HPSE2: variants seen among roughly 807,000 people sequenced by gnomAD.
HPSE2 encodes the protein inactive heparanase-2.
HPSE2 carries 38 observed loss-of-function variants against 60.5 expected under a neutral mutation model. That is an observed-to-expected ratio of 0.63 (90% CI 0.48 to 0.82). HPSE2 has a LOEUF of 0.82. HPSE2 is among the 40% of genes least tolerant of loss of function. The pLI, the probability that HPSE2 is intolerant of heterozygous loss-of-function variation, is 0.00. For synonymous variants in HPSE2, 295 were observed against 293.2 expected (o/e 1.01, Z -0.06); for missense variants, 713 against 740.4 (o/e 0.96, Z 0.43).
At chr10:98,563,478 CA>C (rs2133880040) in intron 9 of HPSE2, among the ~76,000 whole-genome samples, 1 of 152,152 alleles carries the variant, frequency 6.6e-6, no homozygotes, top group South Asian at 2.1e-4. Flanking sequence ...TGAAAATGTA[CA>C]AAAAGTGATT....
the HPSE2 span, among the ~76,000 whole-genome samples, chr10:99,244,144 A>C: frequency 2.0e-5 from 3 of 150,660 alleles, no homozygotes; most frequent in Non-Finnish European, 4.4e-5. Context: ...CAGCCTCCAG[A>C]GTAGCTGGGA....
chr10:98,857,758 A>G lies in HPSE2; in HGVS notation c.611-113702T>C, dbSNP rs567238751. Among the ~76,000 whole-genome samples, 69 of 152,284 alleles carry G rather than the reference A, an allele frequency of 4.5e-4. No homozygotes were observed. The South Asian group carries it at 0.014, about 31-fold the overall frequency. On this transcript the variant is annotated intron_variant, in intron 3 of 11. Transcript: ENST00000370552. The stretch of plus-strand genomic sequence containing the variant: ...GAGGGACCCAAGGACTTGATTGAAG[A>G]CAGTTTAATTTGGCATATTTATCCA...
the HPSE2 span, among the ~76,000 whole-genome samples, chr10:99,307,164 C>T: frequency 4.6e-5 from 7 of 152,312 alleles, no homozygotes; most frequent in South Asian, 6.2e-4. Flanking sequence ...GCTCCATTTA[C>T]TGACTCCTGT....
At chr10:99,053,048 A>AC (rs397793562) in intron 3 of HPSE2, among the ~76,000 whole-genome samples, 3 of 151,724 alleles carry the variant, frequency 2.0e-5, no homozygotes, top group Admixed American at 6.6e-5. Context: ...TGAAAAAAAA[A>AC]CAAACTGCCT....
At chr10:99,073,723 GCAAT>G (rs1210689910) in intron 3 of HPSE2, among the ~76,000 whole-genome samples, 2 of 152,060 alleles carry the variant, frequency 1.3e-5, no homozygotes, top group South Asian at 2.1e-4. Context: ...TCAAATTTGT[GCAAT>G]CAATGTTTTG....
intron 3 of HPSE2, among the ~76,000 whole-genome samples, chr10:98,765,227 A>G (rs192714776): frequency 6.6e-6 from 1 of 152,218 alleles, no homozygotes; most frequent in Non-Finnish European, 1.5e-5. Context: ...AGCAGTGCTC[A>G]TAACACTCAC....
chr10:98,536,157 G>A (rs1480859000), intron 9 of HPSE2, among the ~76,000 whole-genome samples: 1 of 152,146 alleles, frequency 6.6e-6, no homozygotes, highest in African/African-American at 2.4e-5. Context: ...AGATGTATGG[G>A]CACTTTATAC....
At chr10:99,259,514 C>CA in the HPSE2 span, among the ~76,000 whole-genome samples, 5 of 152,050 alleles carry the variant, frequency 3.3e-5, no homozygotes, top group African/African-American at 4.8e-5. Context: ...ACATGAATCA[C>CA]AAAAAATTGC....
intron 9 of HPSE2, among the ~76,000 whole-genome samples, chr10:98,597,740 C>T (rs1044389673): frequency 6.6e-6 from 1 of 151,336 alleles, no homozygotes; most frequent in African/African-American, 2.4e-5. Context: ...TCATGGGAGG[C>T]TGAGGCAGGC....
chr10:98,783,046 T>A (rs1280070446), intron 3 of HPSE2, among the ~76,000 whole-genome samples: 1 of 103,830 alleles, frequency 9.6e-6, no homozygotes, highest in Non-Finnish European at 1.9e-5. Flanking sequence ...CCCACTAACG[T>A]GTCATCTAGC....
chr10:98,575,020 G>T (rs1944603518), intron 9 of HPSE2, among the ~76,000 whole-genome samples: 1 of 152,040 alleles, frequency 6.6e-6, no homozygotes, highest in Non-Finnish European at 1.5e-5. Context: ...ACCATTTCCT[G>T]GGAAAGCAGG....
rs545405404 is a variant in HPSE2 at position 99,015,004 on chromosome 10, G to A, written c.610+129234C>T. Among the ~76,000 whole-genome samples the A allele has an allele frequency of 9.9e-5, 15 of 152,268 alleles. No homozygotes were observed. The East Asian group carries it at 1.4e-3, about 14-fold the overall frequency. On this transcript the variant is annotated intron_variant, in intron 3 of 11. Transcript: ENST00000370552. ...AAAACAACCCCATCAAAAAGTGGGC[G>A]AAGGATATGAACAGATGCTTCTCAA... is the stretch of plus-strand genomic sequence containing the variant.
chr10:99,038,023 A>G (rs1397014120), intron 3 of HPSE2, among the ~76,000 whole-genome samples: 2 of 152,170 alleles, frequency 1.3e-5, no homozygotes, highest in African/African-American at 4.8e-5. Flanking sequence ...GTTGAAATAA[A>G]AAGTAGTAGC....
At chr10:99,150,902 A>G (rs936918607) in intron 2 of HPSE2, among the ~76,000 whole-genome samples, 8 of 152,216 alleles carry the variant, frequency 5.3e-5, no homozygotes, top group Non-Finnish European at 1.2e-4. Context: ...TCAGCTGAAC[A>G]TGAAAACATT....
At chr10:98,568,132 T>C (rs1453376086) in intron 9 of HPSE2, among the ~76,000 whole-genome samples, 1 of 152,198 alleles carries the variant, frequency 6.6e-6, no homozygotes, top group Non-Finnish European at 1.5e-5. Context: ...CCCTGATTCT[T>C]TGCCTCAGCA....
At chr10:98,525,708 A>G (rs1404199566) in intron 9 of HPSE2, among the ~76,000 whole-genome samples, 1 of 152,128 alleles carries the variant, frequency 6.6e-6, no homozygotes, top group Non-Finnish European at 1.5e-5. Context: ...GGATCTCGCA[A>G]GTGCAGGAAG....
At chr10:98,986,960 G>A (rs956275916) in intron 3 of HPSE2, among the ~76,000 whole-genome samples, 6 of 152,106 alleles carry the variant, frequency 3.9e-5, no homozygotes, top group African/African-American at 1.4e-4. Context: ...CTGAGTCTCT[G>A]AACAGACCAA....
At chr10:99,242,237 C>T in the HPSE2 span, among the ~76,000 whole-genome samples, 2 of 152,188 alleles carry the variant, frequency 1.3e-5, no homozygotes, top group Non-Finnish European at 2.9e-5. Context: ...CTACTGACTA[C>T]ACTTTGGGGA....
intron 3 of HPSE2, among the ~76,000 whole-genome samples, chr10:98,958,959 G>A (rs80063867): frequency 2.0e-5 from 3 of 152,026 alleles, no homozygotes; most frequent in Non-Finnish European, 4.4e-5. Flanking sequence ...AGTTCCATAA[G>A]AGCCTCAATT....
Sources: gnomAD v4.1 joint callset for allele counts (sites outside exome capture counted in the v4.1 genomes callset) on GRCh38, gnomAD v4.1.1 for gene constraint, MANE v1.5 for transcripts, NCBI Gene and HGNC (gene_info 2026-07-23, HGNC 2026-07-21) for gene names.